The following RBFOX1 variants were observed in gnomAD, a reference collection of about 807,000 sequenced individuals.
The protein encoded by RBFOX1 is RNA binding fox-1 homolog 1, also known as RNA binding protein fox-1 homolog 1.
Under a neutral mutation model 57.7 loss-of-function variants are expected in RBFOX1, and 8 were observed. That is an observed-to-expected ratio of 0.14 (90% CI 0.08 to 0.25). The LOEUF is 0.25. Ranked by LOEUF, RBFOX1 falls within the 10% of genes least tolerant of loss-of-function variation. The pLI is 1.00. For missense variants in RBFOX1, 611 were observed against 548.5 expected (o/e 1.11, Z -1.14); for synonymous variants, 326 against 222.4 (o/e 1.47, Z -4.15).
intron 4 of RBFOX1, 148 bp from the exon 5 acceptor site, chr16:7,517,999 C>T: frequency 1.1e-6 from 1 of 902,120 alleles, no homozygotes; most frequent in Non-Finnish European, 1.7e-6. Context: ...TGAAGATGAC[C>T]TGAGATTGGT....
intron 3 of RBFOX1, among the ~76,000 whole-genome samples, chr16:5,731,290 TCAC>T (rs201944137): frequency 2.6e-5 from 4 of 152,062 alleles, no homozygotes; most frequent in Non-Finnish European, 5.9e-5. Context: ...GTCATCACTA[TCAC>T]CACCACCACC....
intron 3 of RBFOX1, among the ~76,000 whole-genome samples, chr16:5,762,316 A>AT (rs1185062533): frequency 2.6e-5 from 4 of 151,016 alleles, no homozygotes; most frequent in Admixed American, 6.6e-5. Context: ...ATAAGACATA[A>AT]TTTTTTCTCC....
intron 12 of RBFOX1, among the ~76,000 whole-genome samples, chr16:7,656,925 C>T (rs2066462340): frequency 6.6e-6 from 1 of 152,074 alleles, no homozygotes; most frequent in Admixed American, 6.5e-5. Flanking sequence ...CCTAAATTGC[C>T]ACAGTGAAAT....
In RBFOX1 at chr16:6,624,781, A is replaced by G. The variant is rs373546620; in HGVS notation, c.-63-29822A>G. The stretch of plus-strand genomic sequence containing the variant: ...TTCTTATGTCAAGTCAGTGAAGGCA[A>G]TTCTTTAATTTTTTCATTTTTTCAG... On this transcript the variant is annotated intron_variant, in intron 2 of 15. Transcript: ENST00000550418. Among the ~76,000 whole-genome samples the G allele has an allele frequency of 6.6e-5, 10 of 152,288 alleles. No homozygotes were observed. In the East Asian group the frequency reaches 1.7e-3, roughly 26 times the overall value.
chr16:5,653,565 G>A lies in RBFOX1; in HGVS notation c.318+54604G>A, dbSNP rs948970969. Among the ~76,000 whole-genome samples, 5 of 152,046 alleles carry A rather than the reference G, an allele frequency of 3.3e-5. No individual in the cohort carries two copies. The South Asian group carries it at 6.2e-4, about 19-fold the overall frequency. ...GAAGGTGGGGTGCTGAGCCGTATGC[G>A]GGCCTGGGGTGATTGCCTCTCCCTG... On this transcript the variant is annotated intron_variant, in intron 3 of 19. Coordinates refer to the RBFOX1 transcript ENST00000641259.
At chr16:5,630,162 G>A (rs899228058) in intron 3 of RBFOX1, among the ~76,000 whole-genome samples, 4 of 152,182 alleles carry the variant, frequency 2.6e-5, no homozygotes, top group Non-Finnish European at 5.9e-5. Context: ...CAAGGAGGAA[G>A]CATAGGCACT....
At chr16:7,353,401 G>A (rs934732457) in intron 4 of RBFOX1, among the ~76,000 whole-genome samples, 1 of 152,096 alleles carries the variant, frequency 6.6e-6, no homozygotes, top group Non-Finnish European at 1.5e-5. Context: ...AAAAATAGTT[G>A]AGTATTTTTC....
chr16:6,357,431 T>TG (rs1245284502), intron 2 of RBFOX1, among the ~76,000 whole-genome samples: 1 of 151,850 alleles, frequency 6.6e-6, no homozygotes, highest in Non-Finnish European at 1.5e-5. Flanking sequence ...CCCAGCTTAT[T>TG]GGTGGGGGTA....
chr16:7,628,653 C>G (rs367677187), intron 10 of RBFOX1, among the ~76,000 whole-genome samples: 10 of 152,198 alleles, frequency 6.6e-5, no homozygotes, highest in Non-Finnish European at 1.0e-4. Context: ...GCTCTTGTCA[C>G]CCAGGCTGGA....
intron 8 of RBFOX1, among the ~76,000 whole-genome samples, chr16:7,595,976 A>G (rs1478995072): frequency 6.6e-6 from 1 of 151,622 alleles, no homozygotes; most frequent in Non-Finnish European, 1.5e-5. Context: ...TTGCAAACCA[A>G]ACAAAATACA....
chr16:6,789,466 A>G (rs2082532622), intron 3 of RBFOX1, among the ~76,000 whole-genome samples: 3 of 152,168 alleles, frequency 2.0e-5, no homozygotes. Context: ...AATGGTGTCA[A>G]GTTGGTATTT....
Position 7,549,095 on chromosome 16 carries a change from G to C in RBFOX1, c.271-30682G>C, listed in dbSNP as rs144350189. On this transcript the variant is annotated intron_variant, in intron 5 of 15. Transcript: ENST00000550418. ...AGGCGACATTTAAGCCGATGACTAAGTATGAGGAGGATCCAGTCTGGTAAA... is the reference window on the plus strand; with the variant it reads ...AGGCGACATTTAAGCCGATGACTAACTATGAGGAGGATCCAGTCTGGTAAA... Among the ~76,000 whole-genome samples, 99 of 152,356 alleles carry C rather than the reference G, an allele frequency of 6.5e-4. 1 individual carries two copies. Among genetic ancestry groups the C allele is most frequent in the African/African-American group, 2.2e-3 (90 of 41,584 alleles).
chr16:6,560,993 A>T (rs952231104), intron 2 of RBFOX1, among the ~76,000 whole-genome samples: 1 of 152,230 alleles, frequency 6.6e-6, no homozygotes, highest in Non-Finnish European at 1.5e-5. Flanking sequence ...ACTTGTATCC[A>T]TCCACTTAAA....
chr16:6,035,399 G>A (rs1476381173), intron 1 of RBFOX1, among the ~76,000 whole-genome samples: 11 of 152,246 alleles, frequency 7.2e-5, no homozygotes, highest in Admixed American at 6.5e-4. Context: ...GAAACAAGAC[G>A]GTATTACTCA....
chr16:5,407,449 G>A (rs548788162), intron 1 of RBFOX1, among the ~76,000 whole-genome samples: 1 of 152,148 alleles, frequency 6.6e-6, no homozygotes. Flanking sequence ...AGGGAACTGG[G>A]GAGCTTGGAG....
intron 3 of RBFOX1, among the ~76,000 whole-genome samples, chr16:6,839,646 G>C (rs1055750858): frequency 6.6e-6 from 1 of 152,176 alleles, no homozygotes; most frequent in Admixed American, 6.5e-5. Flanking sequence ...GAGACACACA[G>C]CCTGTGTTTT....
intron 3 of RBFOX1, among the ~76,000 whole-genome samples, chr16:5,621,760 C>T (rs1396229177): frequency 1.3e-5 from 2 of 152,152 alleles, no homozygotes; most frequent in Admixed American, 6.5e-5. Flanking sequence ...GAGTCATTAA[C>T]TCCAAAAGGG....
intron 3 of RBFOX1, among the ~76,000 whole-genome samples, chr16:5,710,499 A>AATTGTCTGT (rs1450902307): frequency 6.6e-6 from 1 of 152,096 alleles, no homozygotes; most frequent in East Asian, 1.9e-4. Context: ...ATGCTGCCCT[A>AATTGTCTGT]ATTGTCTGTA....
At chr16:6,666,662 C>A (rs1022214400) in intron 3 of RBFOX1, among the ~76,000 whole-genome samples, 5 of 152,090 alleles carry the variant, frequency 3.3e-5, no homozygotes, top group African/African-American at 1.2e-4. Flanking sequence ...CTGCCTCTTC[C>A]AAGCATGCTT....
Sources: gnomAD v4.1 joint callset for allele counts (sites outside exome capture counted in the v4.1 genomes callset) on GRCh38, gnomAD v4.1.1 for gene constraint, MANE v1.5 for transcripts, NCBI Gene and HGNC (gene_info 2026-07-23, HGNC 2026-07-21) for gene names.